The following CDH26 variants were observed in gnomAD, a reference collection of about 807,000 sequenced individuals.
CDH26 encodes the protein cadherin-like protein 26.
CDH26 carries 83 observed loss-of-function variants against 90.3 expected under a neutral mutation model. That is an observed-to-expected ratio of 0.92 (90% CI 0.77 to 1.10). The LOEUF is 1.10. Ranked by LOEUF, CDH26 falls within the 50% of genes least tolerant of loss-of-function variation. CDH26 has a pLI of 0.00. For synonymous variants in CDH26, 397 were observed against 396.3 expected (o/e 1.00, Z -0.02); for missense variants, 1,013 against 1,037.6 (o/e 0.98, Z 0.33).
rs1488730054 is a variant in CDH26, at chr20:59,967,957, A to ATCTATCTT, written c.70-1007_70-1006insATCTTTCT. Among the ~76,000 whole-genome samples, 137 of 59,566 alleles carry ATCTATCTT rather than the reference A, an allele frequency of 2.3e-3. 6 individuals carry two copies. Among genetic ancestry groups the ATCTATCTT allele is most frequent in the African/African-American group, 0.01 (125 of 12,114 alleles). 39.1% of individuals were successfully genotyped at this position (59,566 alleles called of 152,430 possible). On this transcript the variant is annotated intron_variant, in intron 1 of 17. Coordinates refer to ENST00000348616, the MANE Select transcript of CDH26 (RefSeq NM_177980.4). ...TCCCTTTCTTTCTTTCTTTCTTTCTATCTTTCTTTCTTTCTTTCTTTCTTT... is the reference window on the plus strand; with the variant it reads ...TCCCTTTCTTTCTTTCTTTCTTTCTATCTATCTTTCTTTCTTTCTTTCTTTCTTTCTTT...
chr20:60,032,159 C>T (rs2062044577), intron 8 of CDH26, among the ~76,000 whole-genome samples: 1 of 152,112 alleles, frequency 6.6e-6, no homozygotes, highest in African/African-American at 2.4e-5. Flanking sequence ...GTGTATCAGT[C>T]GGAGAAATTA....
At chr20:60,010,844 C>T (rs1176391949) in intron 17 of CDH26, among the ~76,000 whole-genome samples, 2 of 151,556 alleles carry the variant, frequency 1.3e-5, no homozygotes, top group Non-Finnish European at 2.9e-5. Flanking sequence ...GGGTGGGTGT[C>T]GAGCCGGAGC....
rs982910218 is a variant in CDH26 at position 60,012,645 on chromosome 20, A to G, written c.2414A>G (p.Glu805Gly). ...AGCTCTCTGGCCAGCTTGGAACAGG[A>G]GTTGCAACCTGATTTGCTGGACTCT... is the stretch of plus-strand genomic sequence containing the variant. Reference protein sequence around the residue: ...SLSSLASLEQELQPDLLDSLG... With the variant: ...SLSSLASLEQGLQPDLLDSLG... The change falls in exon 18 of 18, where the codon GAG becomes GGG. Residue 805 changes from glutamate (E) to glycine (G), a missense_variant. Glu to Gly is a moderately conservative substitution (Grantham distance 98, BLOSUM62 -2). Coordinates refer to ENST00000348616, the MANE Select transcript of CDH26 (RefSeq NM_177980.4). The G allele has an allele frequency of 7.8e-6, 12 of 1,540,088 alleles. 1 individual carries two copies. The highest frequency in any genetic ancestry group is 5.2e-5 in the Admixed American group (3 of 57,454).
At chr20:59,987,006 A>G (rs904895753) in intron 7 of CDH26, among the ~76,000 whole-genome samples, 3 of 152,164 alleles carry the variant, frequency 2.0e-5, no homozygotes, top group African/African-American at 7.2e-5. Flanking sequence ...CTCCAAAAGT[A>G]TTGAATAACA....
At chr20:60,027,728 G>T (rs1050944377) in intron 7 of CDH26, among the ~76,000 whole-genome samples, 5 of 152,212 alleles carry the variant, frequency 3.3e-5, no homozygotes, top group African/African-American at 1.2e-4. Context: ...GGTCGGTGCT[G>T]CCCAGCACAG....
At chr20:59,982,772 T>G in intron 4 of CDH26, 151 bp from the exon 5 acceptor site, 1 of 811,770 alleles carries the variant, frequency 1.2e-6, no homozygotes. Flanking sequence ...CTGGGGTACT[T>G]GGTAAATGAG....
rs1237256087 is a variant in CDH26, at chr20:60,013,864, T to C, written c.*1134T>C. The C allele has an allele frequency of 6.6e-6, 1 of 152,212 alleles. No individual in the cohort carries two copies. Among genetic ancestry groups the C allele is most frequent in the Non-Finnish European group, 1.5e-5 (1 of 68,034 alleles). The allele number at this position is 152,212 out of a possible 1,614,324, so 9.4% of individuals were successfully genotyped here. On this transcript the variant is annotated 3_prime_UTR_variant, in exon 18 of 18. Transcript: ENST00000348616. ...CTACCTGGTTACCTCAGTCTTCCTC[T>C]GCTTTGGGAAGCTGAAAAAGAAGAA...
chr20:59,979,843 T>G (rs1601123589), intron 4 of CDH26, among the ~76,000 whole-genome samples: 1 of 151,524 alleles, frequency 6.6e-6, no homozygotes, highest in Non-Finnish European at 1.5e-5. Flanking sequence ...GCCAGGCTGG[T>G]CATGAACTCC....
In CDH26 at chr20:59,976,675, A is replaced by T. The variant is rs6100679; in HGVS notation, c.393+4552A>T. The stretch of plus-strand genomic sequence containing the variant: ...ATGTATGCTGGAGTCCCTGCAGCGG[A>T]CTAGCTCAGTGGTAGAAGCCCTGAA... On this transcript the variant is annotated intron_variant, in intron 4 of 17. Coordinates refer to ENST00000348616, the MANE Select transcript of CDH26 (RefSeq NM_177980.4). Among the ~76,000 whole-genome samples, 475 of 152,224 alleles carry T rather than the reference A, an allele frequency of 3.1e-3. 3 individuals carry two copies. The highest frequency in any genetic ancestry group is 0.011 in the African/African-American group (456 of 41,530).
chr20:60,029,212 A>C (rs2062021433), intron 7 of CDH26, among the ~76,000 whole-genome samples: 1 of 152,182 alleles, frequency 6.6e-6, no homozygotes, highest in African/African-American at 2.4e-5. Flanking sequence ...AACGGGTATA[A>C]AGTTACAGTT....
chr20:60,025,978 C>A (rs997530804), intron 7 of CDH26, among the ~76,000 whole-genome samples: 1 of 152,168 alleles, frequency 6.6e-6, no homozygotes, highest in Admixed American at 6.5e-5. Flanking sequence ...GTGCTGGACA[C>A]TATTTCATTT....
At chr20:60,032,316 T>C (rs1022557788) in intron 8 of CDH26, among the ~76,000 whole-genome samples, 1 of 152,206 alleles carries the variant, frequency 6.6e-6, no homozygotes, top group Non-Finnish European at 1.5e-5. Context: ...CAGTGGCTAT[T>C]AAATTCTATT....
At chr20:59,980,855 T>C (rs893297054) in intron 4 of CDH26, among the ~76,000 whole-genome samples, 1 of 152,234 alleles carries the variant, frequency 6.6e-6, no homozygotes, top group African/African-American at 2.4e-5. Context: ...TTTTCTCCTT[T>C]TTTTACTAAA....
downstream of CDH26, among the ~76,000 whole-genome samples, chr20:60,035,856 C>G (rs1030386450): frequency 4.6e-5 from 7 of 151,968 alleles, no homozygotes; most frequent in African/African-American, 1.7e-4. Flanking sequence ...CTTCCCCTTT[C>G]GCCATGATTG....
chr20:60,013,625 G>A lies in CDH26; in HGVS notation c.*895G>A, dbSNP rs2061876473. ...ATTTGGACACTTTAATGCACATATT[G>A]GATATCTAAAAGTCTACAGCCATAT... On this transcript the variant is annotated 3_prime_UTR_variant, in exon 18 of 18. Transcript: ENST00000348616. 6.6e-6 allele frequency: 1 copy of A among 152,052 alleles called. No homozygotes were observed. Among genetic ancestry groups the A allele is most frequent in the African/African-American group, 2.4e-5 (1 of 41,416 alleles). 9.4% of individuals were successfully genotyped at this position (152,052 alleles called of 1,614,324 possible). A position where few individuals can be genotyped will look rare whatever the true frequency, so the allele number is the denominator to read the frequency against.
intron 7 of CDH26, among the ~76,000 whole-genome samples, chr20:60,023,792 C>T (rs941089210): frequency 6.6e-5 from 10 of 152,122 alleles, no homozygotes; most frequent in Non-Finnish European, 1.5e-4. Flanking sequence ...CAAACTATAT[C>T]AGTCGTAGAA....
At chr20:59,966,715 G>A (rs1601085649) in intron 1 of CDH26, among the ~76,000 whole-genome samples, 1 of 152,290 alleles carries the variant, frequency 6.6e-6, no homozygotes. Context: ...AAAGAGTTTG[G>A]CCTTGTGGAC....
rs958918292 is a variant in CDH26, at chr20:59,958,450, C to G, written c.-277C>G. On this transcript the variant is annotated 5_prime_UTR_variant, in exon 1 of 18. Transcript: ENST00000348616. Reference sequence around the variant, plus strand: ...CCAGTCTTTTGTGTACGTGCAGGACCATGGTGGCTTTAGTTTCTACCCCAC... The same window carrying G: ...CCAGTCTTTTGTGTACGTGCAGGACGATGGTGGCTTTAGTTTCTACCCCAC... The G allele has an allele frequency of 7.1e-6, 3 of 420,460 alleles. No individual in the cohort carries two copies. The highest frequency in any genetic ancestry group is 1.3e-5 in the Non-Finnish European group (3 of 231,874). 26.0% of individuals were successfully genotyped at this position (420,460 alleles called of 1,614,324 possible). A position where few individuals can be genotyped will look rare whatever the true frequency, so the allele number is the denominator to read the frequency against.
intron 7 of CDH26, chr20:60,031,228 T>G (rs756591975): frequency 2.1e-5 from 25 of 1,184,462 alleles, no homozygotes; most frequent in Non-Finnish European, 4.3e-6. Flanking sequence ...CTGCTTTGTG[T>G]AGTCTAAAGA....
Sources: gnomAD v4.1 joint callset for allele counts (sites outside exome capture counted in the v4.1 genomes callset) on GRCh38, gnomAD v4.1.1 for gene constraint, MANE v1.5 for transcripts, NCBI Gene and HGNC (gene_info 2026-07-23, HGNC 2026-07-21) for gene names.